RPL31: variants seen among roughly 807,000 people sequenced by gnomAD.
RPL31 encodes the protein large ribosomal subunit protein eL31.
For missense variants in RPL31, 95 were observed against 164.0 expected (o/e 0.58, Z 2.30); for synonymous variants, 51 against 55.0 (o/e 0.93, Z 0.32).
intron 1 of RPL31, 151 bp from the exon 2 acceptor site, chr2:101,002,551 G>GA (rs1678580276): frequency 1.7e-5 from 11 of 651,414 alleles, no homozygotes; most frequent in Non-Finnish European, 5.5e-6. Flanking sequence ...GCGCAGGGGC[G>GA]CGGGTGCGTG....
chr2:101,007,679 T>A (rs1055338270), downstream of RPL31: 1 of 837,036 alleles, frequency 1.2e-6, no homozygotes, highest in African/African-American at 1.7e-5. Flanking sequence ...TCGGTTCCCC[T>A]GGCCACAGTT....
rs1355124766 is a variant in RPL31, at chr2:101,014,230, GT to G, written c.347-4765del. Among the ~76,000 whole-genome samples, 23 of 151,290 alleles carry G rather than the reference GT, an allele frequency of 1.5e-4. 1 individual carries two copies. Among genetic ancestry groups the G allele is most frequent in the Admixed American group, 1.1e-3 (17 of 15,210 alleles). Reference sequence around the variant, plus strand: ...TTTTTCAAGGAAGTTTATATTCTATGTTTCCATATTTTTCAAAATCTTCTGT... The same window carrying G: ...TTTTTCAAGGAAGTTTATATTCTATGTTCCATATTTTTCAAAATCTTCTGT... On this transcript the variant is annotated intron_variant, in intron 4 of 4. Transcript: ENST00000409028.
downstream of RPL31, chr2:101,008,418 C>T (rs1678912804): frequency 1.5e-6 from 1 of 688,962 alleles, no homozygotes; most frequent in Non-Finnish European, 2.3e-6. Flanking sequence ...TGCCTTTCCA[C>T]TCTAAACTAT....
chr2:101,005,885 T>TA, intron 3 of RPL31, 74 bp from the exon 4 acceptor site: 1 of 1,231,994 alleles, frequency 8.1e-7, no homozygotes, highest in South Asian at 1.2e-5. Context: ...GCATATGAGA[T>TA]ATGTGAATAC....
At chr2:101,019,145 C>T (rs1301750587) in exon 5 of RPL31, 2 of 1,467,548 alleles carry the variant, frequency 1.4e-6, no homozygotes, top group East Asian at 4.9e-5. Flanking sequence ...CGTCTGTCTC[C>T]CATATTACCC....
At chr2:101,006,291 T>TA in intron 4 of RPL31, 59 bp from the exon 5 acceptor site, 12 of 1,586,790 alleles carry the variant, frequency 7.6e-6, no homozygotes, top group South Asian at 1.2e-5. Context: ...AAAAGGTTTT[T>TA]AGAGTTGAAA....
intron 4 of RPL31, among the ~76,000 whole-genome samples, chr2:101,017,081 AAAAAAAAAAGAC>A (rs919217982): frequency 1.4e-5 from 2 of 143,052 alleles, no homozygotes; most frequent in Admixed American, 1.4e-4. Flanking sequence ...TATTAAAAAA[AAAAAAAAAAGAC>A]AAACACGCAC....
At chr2:101,004,946 G>A (rs1415857151) in intron 3 of RPL31, 1 of 152,534 alleles carries the variant, frequency 6.6e-6, no homozygotes, top group East Asian at 1.9e-4. Context: ...GAGGAATGAT[G>A]ACAGTGTGGA....
chr2:101,002,628 C>T, intron 1 of RPL31, 74 bp from the exon 2 acceptor site: 1 of 1,245,040 alleles, frequency 8.0e-7, no homozygotes, highest in Non-Finnish European at 1.2e-6. Context: ...AGAGTGACAG[C>T]GTGAGGCTGG....
chr2:101,017,798 T>C (rs1679764615), intron 4 of RPL31: 1 of 1,536,702 alleles, frequency 6.5e-7, no homozygotes, highest in South Asian at 1.2e-5. Context: ...CTCAGGACTT[T>C]TTAATATTAG....
intron 3 of RPL31, chr2:101,004,588 CTG>C: frequency 7.6e-6 from 3 of 394,030 alleles, no homozygotes; most frequent in East Asian, 7.7e-5. Flanking sequence ...GAATAAATCA[CTG>C]TGAGCCCAGT....
chr2:101,013,708 C>T (rs960501968), intron 4 of RPL31, among the ~76,000 whole-genome samples: 1 of 152,230 alleles, frequency 6.6e-6, no homozygotes, highest in Non-Finnish European at 1.5e-5. Context: ...CCATCTTCCT[C>T]ACTTTCTAAA....
chr2:101,005,466 G>C (rs980063091), intron 3 of RPL31: 2 of 154,636 alleles, frequency 1.3e-5, no homozygotes, highest in African/African-American at 2.4e-5. Flanking sequence ...CCGCCACCAC[G>C]CCTGGCTCTT....
chr2:101,004,529 A>G, intron 3 of RPL31: 1 of 468,428 alleles, frequency 2.1e-6, no homozygotes, highest in East Asian at 3.2e-5. Context: ...TTGCAGAGAG[A>G]GGAAGCTTGG....
rs537095286 is a variant in RPL31 at position 101,003,449 on chromosome 2, C to T, written c.107+641C>T. On this transcript the variant is annotated intron_variant, in intron 2 of 4. Coordinates refer to ENST00000264258, the MANE Select transcript of RPL31 (RefSeq NM_000993.5). ...GACCCCGCCACCACACCTGGCCCAC[C>T]TTGGCCGTCTTATAGAAACTTGCAG... 9.2e-5 allele frequency among the ~76,000 whole-genome samples: 14 copies of T among 152,232 alleles called. No homozygotes were observed. The South Asian group carries it at 2.3e-3, about 25-fold the overall frequency.
intron 3 of RPL31, chr2:101,004,513 A>G (rs910276026): frequency 6.1e-6 from 3 of 493,798 alleles, no homozygotes; most frequent in Non-Finnish European, 7.1e-6. Flanking sequence ...AGGGTGGGAA[A>G]GAGCATTGCA....
At chr2:101,006,238 A>T in intron 4 of RPL31, 112 bp from the exon 5 acceptor site, 1 of 1,516,996 alleles carries the variant, frequency 6.6e-7, no homozygotes, top group Admixed American at 2.3e-5. Context: ...CATATCTGGG[A>T]TGTAAAAAGG....
rs766800432 is a variant in RPL31 at position 101,007,190 on chromosome 2, T to TAAGA, written c.*810_*813dup. ...CCATTCACTGCCACAGTCTACAGCT[T>TAAGA]AAGACACTTAACTACAAGGTAAAAG... is the stretch of plus-strand genomic sequence containing the variant. On this transcript the variant is annotated 3_prime_UTR_variant, in exon 5 of 5. Transcript: ENST00000264258. 6.6e-6 allele frequency: 1 copy of TAAGA among 152,492 alleles called. No individual in the cohort carries two copies. The highest frequency in any genetic ancestry group is 2.4e-5 in the African/African-American group (1 of 41,440). 9.4% of individuals were successfully genotyped at this position (152,492 alleles called of 1,614,324 possible). A position where few individuals can be genotyped will look rare whatever the true frequency, so the allele number is the denominator to read the frequency against.
chr2:101,009,074 T>C (rs549988825), downstream of RPL31, among the ~76,000 whole-genome samples: 28 of 152,148 alleles, frequency 1.8e-4, no homozygotes, highest in East Asian at 4.9e-3. Flanking sequence ...GGAATCTAGC[T>C]ACACAATTAC....
Sources: gnomAD v4.1 joint callset for allele counts (sites outside exome capture counted in the v4.1 genomes callset) on GRCh38, gnomAD v4.1.1 for gene constraint, MANE v1.5 for transcripts, NCBI Gene and HGNC (gene_info 2026-07-23, HGNC 2026-07-21) for gene names.